The following SPTLC3 variants were observed in gnomAD, a reference collection of about 807,000 sequenced individuals.
SPTLC3 encodes the protein serine palmitoyltransferase 3.
In SPTLC3, 36 loss-of-function variants were observed where a neutral mutation model predicts 59.3. That is an observed-to-expected ratio of 0.61 (90% CI 0.47 to 0.80). The LOEUF is 0.80. Among genes scored for constraint, SPTLC3 ranks in the 30% least tolerant of loss-of-function variants. SPTLC3 has a pLI of 0.00. For synonymous variants in SPTLC3, 257 were observed against 240.8 expected, an observed-to-expected ratio of 1.07 and a Z score of -0.62; for missense variants, 625 against 685.1, an observed-to-expected ratio of 0.91 and a Z score of 0.98.
intron 7 of SPTLC3, among the ~76,000 whole-genome samples, chr20:13,111,999 G>C (rs1990258380): frequency 1.3e-5 from 2 of 152,192 alleles, no homozygotes. Context: ...TGGACTTCCA[G>C]CTCCAAGCCA....
chr20:13,143,592 TG>T (rs1234611410), intron 9 of SPTLC3, among the ~76,000 whole-genome samples: 1 of 152,180 alleles, frequency 6.6e-6, no homozygotes, highest in Non-Finnish European at 1.5e-5. Flanking sequence ...GTCATTGTCC[TG>T]GGCACAAGGC....
chr20:13,148,202 A>G (rs1207487121), intron 9 of SPTLC3, among the ~76,000 whole-genome samples: 1 of 152,168 alleles, frequency 6.6e-6, no homozygotes, highest in Non-Finnish European at 1.5e-5. Flanking sequence ...GGCAACTGCA[A>G]AGCTTTGTAG....
At chr20:13,154,279 T>A in intron 10 of SPTLC3, 141 bp downstream of exon 10, 2 of 1,054,116 alleles carry the variant, frequency 1.9e-6, no homozygotes, top group East Asian at 2.6e-5. Flanking sequence ...GGAAGCCACC[T>A]GTCACTCTAT....
intron 1 of SPTLC3, among the ~76,000 whole-genome samples, chr20:13,009,744 G>A (rs1182899703): frequency 6.6e-6 from 1 of 152,176 alleles, no homozygotes; most frequent in Non-Finnish European, 1.5e-5. Context: ...CAACCGTCAT[G>A]CTTCAGAAGA....
At chr20:13,114,066 T>C (rs2122722935) in intron 7 of SPTLC3, among the ~76,000 whole-genome samples, 1 of 152,286 alleles carries the variant, frequency 6.6e-6, no homozygotes, top group South Asian at 2.1e-4. Flanking sequence ...GTGGCCCTGA[T>C]GGGACAAAGG....
At chr20:13,108,385 G>C (rs894662093) in intron 6 of SPTLC3, among the ~76,000 whole-genome samples, 1 of 152,146 alleles carries the variant, frequency 6.6e-6, no homozygotes, top group East Asian at 1.9e-4. Context: ...CTCAGCTTTG[G>C]GGGAAGCCCT....
At chr20:13,161,623 G>A (rs1487020153) in intron 11 of SPTLC3, among the ~76,000 whole-genome samples, 2 of 152,130 alleles carry the variant, frequency 1.3e-5, no homozygotes, top group African/African-American at 4.8e-5. Context: ...GTTTCAAGAA[G>A]GAGGAGGGTC....
chr20:13,056,660 G>T (rs1218702939), intron 2 of SPTLC3, among the ~76,000 whole-genome samples: 1 of 151,456 alleles, frequency 6.6e-6, no homozygotes, highest in Non-Finnish European at 1.5e-5. Flanking sequence ...ATGTTGCCTA[G>T]GCTGGTCTCA....
chr20:13,030,705 C>T (rs1460790949), intron 1 of SPTLC3, among the ~76,000 whole-genome samples: 1 of 152,168 alleles, frequency 6.6e-6, no homozygotes, highest in Non-Finnish European at 1.5e-5. Context: ...CTGGAACTGA[C>T]ATTCAGCCAT....
At chr20:13,083,004 T>A (rs1050424028) in intron 4 of SPTLC3, among the ~76,000 whole-genome samples, 1 of 152,200 alleles carries the variant, frequency 6.6e-6, no homozygotes, top group South Asian at 2.1e-4. Context: ...AGAAATGTAA[T>A]ACCAATCCAT....
intron 4 of SPTLC3, among the ~76,000 whole-genome samples, chr20:13,078,252 T>C (rs1007729202): frequency 4.7e-5 from 7 of 149,266 alleles, no homozygotes; most frequent in Non-Finnish European, 8.9e-5. Context: ...AAATTGGCAT[T>C]GAGACTAACA....
At chr20:13,112,609 A>T (rs1990296676) in intron 7 of SPTLC3, among the ~76,000 whole-genome samples, 1 of 152,184 alleles carries the variant, frequency 6.6e-6, no homozygotes, top group Admixed American at 6.5e-5. Flanking sequence ...CAACCTGGTG[A>T]TGACACAGAG....
intron 4 of SPTLC3, among the ~76,000 whole-genome samples, chr20:13,074,804 T>C (rs927741617): frequency 5.3e-5 from 8 of 152,196 alleles, no homozygotes; most frequent in African/African-American, 1.9e-4. Context: ...TTCTTAACGA[T>C]GTTCATCACC....
intron 9 of SPTLC3, 67 bp downstream of exon 9, chr20:13,126,784 C>T: frequency 1.3e-6 from 2 of 1,580,202 alleles, no homozygotes; most frequent in South Asian, 1.2e-5. Flanking sequence ...ATTAATCTCC[C>T]CGCTTCTCAA....
chr20:13,103,875 T>C (rs1053980818), intron 6 of SPTLC3, among the ~76,000 whole-genome samples: 1 of 152,214 alleles, frequency 6.6e-6, no homozygotes, highest in African/African-American at 2.4e-5. Flanking sequence ...TCTGGGTTTT[T>C]TCTTCCGGAA....
intron 4 of SPTLC3, among the ~76,000 whole-genome samples, chr20:13,080,457 G>A (rs1988801220): frequency 7.3e-6 from 1 of 137,224 alleles, no homozygotes; most frequent in Admixed American, 8.3e-5. Flanking sequence ...GCAGTGAGCC[G>A]AGATTGCGCC....
At chr20:13,073,035 A>C (rs1988503631) in intron 3 of SPTLC3, among the ~76,000 whole-genome samples, 1 of 152,230 alleles carries the variant, frequency 6.6e-6, no homozygotes. Flanking sequence ...CCATCATCTT[A>C]AATATTTGTC....
chr20:13,051,824 T>G lies in SPTLC3; in HGVS notation c.303+2694T>G, dbSNP rs188676539. Among the ~76,000 whole-genome samples, 3 of 152,292 alleles carry G rather than the reference T, an allele frequency of 2.0e-5. No individual in the cohort carries two copies. In the East Asian group the frequency reaches 5.8e-4, roughly 29 times the overall value. On this transcript the variant is annotated intron_variant, in intron 2 of 11. Coordinates refer to ENST00000399002, the MANE Select transcript of SPTLC3 (RefSeq NM_018327.4). ...GCAAATACATGGAAATTAAATAACC[T>G]GCTCCTGAATGAGCACTGGGTCAAA...
intron 2 of SPTLC3, among the ~76,000 whole-genome samples, chr20:13,067,817 A>G (rs1316201090): frequency 6.6e-6 from 1 of 152,216 alleles, no homozygotes; most frequent in African/African-American, 2.4e-5. Context: ...GGCTCTCAAA[A>G]GGACAATTAT....
Sources: gnomAD v4.1 joint callset for allele counts (sites outside exome capture counted in the v4.1 genomes callset) on GRCh38, gnomAD v4.1.1 for gene constraint, MANE v1.5 for transcripts, NCBI Gene and HGNC (gene_info 2026-07-23, HGNC 2026-07-21) for gene names.